The following TJP1 variants were observed in gnomAD, a reference collection of about 807,000 sequenced individuals.
TJP1 encodes the protein tight junction protein 1, also known as tight junction protein ZO-1.
A neutral mutation model predicts 194.2 loss-of-function variants in TJP1; 43 were observed. The observed-to-expected ratio is 0.22, with a 90% CI of 0.17 to 0.29. TJP1 has a LOEUF of 0.29. TJP1 is among the 10% of genes least tolerant of loss of function. The pLI is 1.00. For missense variants in TJP1, 1,971 were observed against 2,185.7 expected (o/e 0.90, Z 1.96); for synonymous variants, 801 against 779.0 (o/e 1.03, Z -0.47).
chr15:29,711,490 C>T (rs1291805704), intron 23 of TJP1, among the ~76,000 whole-genome samples: 5 of 152,110 alleles, frequency 3.3e-5, no homozygotes, highest in Admixed American at 6.6e-5. Context: ...CTCAGCCTCC[C>T]GAGTAGCTGG....
At chr15:29,788,395 C>T (rs142996950) in intron 2 of TJP1, among the ~76,000 whole-genome samples, 201 of 152,254 alleles carry the variant, frequency 1.3e-3, no homozygotes, top group Non-Finnish European at 2.0e-3. Context: ...ACCCAGGTCA[C>T]GAATAATTAT....
In TJP1 at chr15:29,784,684, A is replaced by G. The variant is rs77245150; in HGVS notation, c.85-11327T>C. On this transcript the variant is annotated intron_variant, in intron 2 of 27. Transcript: ENST00000614355. Reference sequence around the variant, plus strand: ...CAGTCAACATGCAAGAACACAGGAAATATTGTCTTTATGATCTCATCCTAA... The same window carrying G: ...CAGTCAACATGCAAGAACACAGGAAGTATTGTCTTTATGATCTCATCCTAA... 6.3e-3 allele frequency among the ~76,000 whole-genome samples: 957 copies of G among 152,286 alleles called. 9 individuals are homozygous for G. The highest frequency in any genetic ancestry group is 7.1e-3 in the Non-Finnish European group (483 of 68,022).
chr15:29,850,204 G>A lies in TJP1; in HGVS notation c.307-49502C>T, dbSNP rs115459452. Among the ~76,000 whole-genome samples the A allele has an allele frequency of 2.3e-3, 354 of 152,270 alleles. 2 individuals are homozygous for A. The highest frequency in any genetic ancestry group is 7.9e-3 in the African/African-American group (330 of 41,570). ...TTAAGTATAGGTGCCTGTAGTTCTGGCTGACGTCTTGACTGCAACTTCACA... is the reference window on the plus strand; with the variant it reads ...TTAAGTATAGGTGCCTGTAGTTCTGACTGACGTCTTGACTGCAACTTCACA... On this transcript the variant is annotated intron_variant, in intron 2 of 28. Transcript: ENST00000356107.
At chr15:29,965,862 A>G (rs1400625854) in intron 1 of TJP1, among the ~76,000 whole-genome samples, 1 of 152,210 alleles carries the variant, frequency 6.6e-6, no homozygotes, top group East Asian at 1.9e-4. Flanking sequence ...GTAGAATCAG[A>G]TGAATGTTTG....
At chr15:29,897,789 G>A (rs144425174) in intron 2 of TJP1, among the ~76,000 whole-genome samples, 2,136 of 152,278 alleles carry the variant, frequency 0.014, 21 homozygotes, top group Non-Finnish European at 0.021. Context: ...GCTGGATTTT[G>A]GACTCACATG....
intron 2 of TJP1, among the ~76,000 whole-genome samples, chr15:29,896,383 T>A (rs1225387588): frequency 4.6e-5 from 7 of 152,230 alleles, no homozygotes; most frequent in Non-Finnish European, 1.0e-4. Context: ...TCCATGATTG[T>A]GAGGCCTCCC....
At chr15:29,708,456 G>A (rs2042040662) in intron 25 of TJP1, 103 bp downstream of exon 25, 2 of 923,346 alleles carry the variant, frequency 2.2e-6, no homozygotes, top group Non-Finnish European at 3.4e-6. Flanking sequence ...TTTAAAGGTT[G>A]AGTTAAAAAG....
intron 8 of TJP1, among the ~76,000 whole-genome samples, chr15:29,749,673 C>CA (rs1287389181): frequency 6.6e-6 from 1 of 152,170 alleles, no homozygotes; most frequent in Non-Finnish European, 1.5e-5. Context: ...AAATACCATG[C>CA]AAGTTCGTCT....
chr15:29,703,052 G>A (rs962942961), intron 27 of TJP1, among the ~76,000 whole-genome samples: 6 of 152,218 alleles, frequency 3.9e-5, no homozygotes, highest in Non-Finnish European at 7.3e-5. Flanking sequence ...TACAAATAGT[G>A]TATAAAAGAA....
intron 8 of TJP1, among the ~76,000 whole-genome samples, chr15:29,757,639 T>C (rs2045728723): frequency 6.6e-6 from 1 of 152,158 alleles, no homozygotes; most frequent in Non-Finnish European, 1.5e-5. Context: ...TGTAGGCAGA[T>C]TACTAAATTT....
chr15:29,838,332 T>C (rs1732707525), intron 2 of TJP1, among the ~76,000 whole-genome samples: 1 of 152,082 alleles, frequency 6.6e-6, no homozygotes, highest in African/African-American at 2.4e-5. Context: ...GGCTGAGGCA[T>C]AAGAATTGCT....
At chr15:29,801,925 G>T (rs1326435374) in intron 1 of TJP1, among the ~76,000 whole-genome samples, 2 of 151,948 alleles carry the variant, frequency 1.3e-5, no homozygotes, top group South Asian at 4.2e-4. Context: ...TCATAATGTT[G>T]TAAGAAAATT....
intron 1 of TJP1, among the ~76,000 whole-genome samples, chr15:29,967,112 C>T (rs923616718): frequency 1.3e-5 from 2 of 151,604 alleles, no homozygotes; most frequent in Admixed American, 1.3e-4. Context: ...CTCCCGGGTT[C>T]AAGCGATTCT....
intron 2 of TJP1, among the ~76,000 whole-genome samples, chr15:29,902,794 G>A (rs2053673282): frequency 6.6e-6 from 1 of 152,138 alleles, no homozygotes; most frequent in Non-Finnish European, 1.5e-5. Context: ...CCAGCACTTT[G>A]GGAGACCACG....
At chr15:29,742,463 T>G (rs554375592) in intron 9 of TJP1, among the ~76,000 whole-genome samples, 179 bp downstream of exon 9, 1 of 152,342 alleles carries the variant, frequency 6.6e-6, no homozygotes, top group South Asian at 2.1e-4. Context: ...AAAACATTCA[T>G]GAAAGGCAAC....
At chr15:29,921,624 AT>A (rs1401526027) in intron 2 of TJP1, among the ~76,000 whole-genome samples, 1 of 152,104 alleles carries the variant, frequency 6.6e-6, no homozygotes, top group Non-Finnish European at 1.5e-5. Context: ...CCCCTGCTGG[AT>A]CCCCTCTTTT....
chr15:29,708,158 T>C (rs2042013309), intron 25 of TJP1, among the ~76,000 whole-genome samples: 1 of 144,968 alleles, frequency 6.9e-6, no homozygotes, highest in African/African-American at 2.6e-5. Flanking sequence ...ATCGCACCAC[T>C]GCACTCCAGC....
chr15:29,742,953 A>G, intron 8 of TJP1, 172 bp from the exon 9 acceptor site: 2 of 466,216 alleles, frequency 4.3e-6, no homozygotes, highest in Non-Finnish European at 6.9e-6. Flanking sequence ...TTACCACAGA[A>G]AAACCAAATA....
chr15:29,819,524 T>C (rs1466997433), intron 1 of TJP1, among the ~76,000 whole-genome samples: 1 of 152,230 alleles, frequency 6.6e-6, no homozygotes, highest in Non-Finnish European at 1.5e-5. Flanking sequence ...CAGATGTTTC[T>C]GGACCTCCCT....
Sources: allele counts gnomAD v4.1 joint callset (sites outside exome capture counted in the v4.1 genomes callset), GRCh38; gene constraint gnomAD v4.1.1; transcripts MANE v1.5; gene names NCBI Gene and HGNC (gene_info 2026-07-23, HGNC 2026-07-21).